SGCG: variants seen among roughly 807,000 people sequenced by gnomAD.
The protein encoded by SGCG is gamma-sarcoglycan.
A neutral mutation model predicts 29.3 loss-of-function variants in SGCG; 26 were observed. The ratio of observed to expected loss-of-function variants is 0.89; its 90% CI spans 0.65 to 1.23. The LOEUF (loss-of-function observed/expected upper bound fraction) is 1.23. Ranked by LOEUF, SGCG falls within the 50% of genes most tolerant of loss-of-function variation. The pLI is 0.00. For missense variants in SGCG, 353 were observed against 356.0 expected, an observed-to-expected ratio of 0.99 and a Z score of 0.07; for synonymous variants, 145 against 129.7, an observed-to-expected ratio of 1.12 and a Z score of -0.80.
At chr13:23,296,174 C>T (rs1452546950) in intron 6 of SGCG, among the ~76,000 whole-genome samples, 1 of 152,206 alleles carries the variant, frequency 6.6e-6, no homozygotes, top group Non-Finnish European at 1.5e-5. Context: ...ATATATATTA[C>T]ATTATCCATC....
intron 4 of SGCG, among the ~76,000 whole-genome samples, chr13:23,275,304 CA>C (rs1881029122): frequency 6.6e-6 from 1 of 151,698 alleles, no homozygotes; most frequent in Non-Finnish European, 1.5e-5. Context: ...CACTTGAGGC[CA>C]GGAGTTCAAG....
At chr13:23,226,659 G>A (rs564919587) in intron 2 of SGCG, among the ~76,000 whole-genome samples, 1 of 152,272 alleles carries the variant, frequency 6.6e-6, no homozygotes, top group East Asian at 1.9e-4. Flanking sequence ...AAGTGGAAAA[G>A]GACAAATATT....
chr13:23,182,655 A>G (rs1418869783), intron 1 of SGCG, among the ~76,000 whole-genome samples: 1 of 152,234 alleles, frequency 6.6e-6, no homozygotes, highest in Non-Finnish European at 1.5e-5. Flanking sequence ...TTTTATGGGA[A>G]CACTGGTACA....
chr13:23,225,086 C>T (rs771471077), intron 2 of SGCG, among the ~76,000 whole-genome samples: 2 of 152,140 alleles, frequency 1.3e-5, no homozygotes, highest in African/African-American at 4.8e-5. Flanking sequence ...GGTGTAAATA[C>T]TCATGGAAGT....
chr13:23,206,575 T>C (rs546846919), intron 2 of SGCG, among the ~76,000 whole-genome samples: 1 of 152,366 alleles, frequency 6.6e-6, no homozygotes, highest in African/African-American at 2.4e-5. Flanking sequence ...ATTTAGGTTT[T>C]TTTCCACATC....
intron 5 of SGCG, among the ~76,000 whole-genome samples, chr13:23,293,166 T>C (rs546192668): frequency 3.4e-4 from 52 of 152,360 alleles, no homozygotes; most frequent in Non-Finnish European, 5.9e-4. Flanking sequence ...GCTTAAGTGG[T>C]ATTTTAAGAA....
intron 6 of SGCG, among the ~76,000 whole-genome samples, chr13:23,301,908 GA>G (rs917922839): frequency 7.3e-6 from 1 of 136,156 alleles, no homozygotes; most frequent in African/African-American, 2.6e-5. Flanking sequence ...AAAAAGAAAA[GA>G]AAAAAAATCA....
chr13:23,162,533 G>A, the SGCG span, among the ~76,000 whole-genome samples: 2 of 152,356 alleles, frequency 1.3e-5, no homozygotes, highest in South Asian at 2.1e-4. Flanking sequence ...GGCTGAGGCA[G>A]AAGAATGGCG....
At chr13:23,254,798 C>G (rs961321661) in intron 4 of SGCG, among the ~76,000 whole-genome samples, 1 of 152,200 alleles carries the variant, frequency 6.6e-6, no homozygotes, top group Non-Finnish European at 1.5e-5. Context: ...CACAGCTGCT[C>G]TAGCTCCAGC....
chr13:23,281,841 T>G (rs558536687), intron 5 of SGCG, among the ~76,000 whole-genome samples: 1 of 152,330 alleles, frequency 6.6e-6, no homozygotes, highest in African/African-American at 2.4e-5. Context: ...GCTCACCTCC[T>G]GCTGTGAGGC....
At chr13:23,266,003 A>G (rs1287276777) in intron 4 of SGCG, among the ~76,000 whole-genome samples, 1 of 152,194 alleles carries the variant, frequency 6.6e-6, no homozygotes, top group Non-Finnish European at 1.5e-5. Flanking sequence ...ACAAAGATAT[A>G]AAATCAACCT....
At chr13:23,293,943 T>TC (rs1257960546) in intron 5 of SGCG, among the ~76,000 whole-genome samples, 2 of 152,304 alleles carry the variant, frequency 1.3e-5, no homozygotes, top group East Asian at 3.9e-4. Context: ...TTCTTCAGTG[T>TC]CCAATATTGA....
At chr13:23,256,706 A>G (rs1880193506) in intron 4 of SGCG, among the ~76,000 whole-genome samples, 1 of 152,084 alleles carries the variant, frequency 6.6e-6, no homozygotes, top group Non-Finnish European at 1.5e-5. Context: ...AAGGACATGA[A>G]CTCATCCTTT....
intron 2 of SGCG, among the ~76,000 whole-genome samples, chr13:23,223,720 C>T (rs997541418): frequency 2.0e-5 from 3 of 152,078 alleles, no homozygotes; most frequent in Non-Finnish European, 2.9e-5. Flanking sequence ...TCCCAGCCAG[C>T]ACTTTGGGAG....
At chr13:23,276,627 T>G (rs1881085157) in intron 4 of SGCG, among the ~76,000 whole-genome samples, 2 of 152,150 alleles carry the variant, frequency 1.3e-5, no homozygotes, top group Admixed American at 6.5e-5. Flanking sequence ...GAAACGGGGT[T>G]TCACCGTGTT....
intron 5 of SGCG, among the ~76,000 whole-genome samples, chr13:23,281,112 A>G (rs1038373392): frequency 6.6e-6 from 1 of 152,094 alleles, no homozygotes; most frequent in African/African-American, 2.4e-5. Context: ...AGGTGGATGG[A>G]TCGCTTGAGC....
intron 6 of SGCG, among the ~76,000 whole-genome samples, chr13:23,296,597 G>A (rs1178644624): frequency 8.6e-6 from 1 of 116,454 alleles, no homozygotes; most frequent in African/African-American, 2.9e-5. Context: ...TCTTCTCCCG[G>A]TCACCCCGGC....
the SGCG span, among the ~76,000 whole-genome samples, chr13:23,173,956 G>A: frequency 6.6e-6 from 1 of 152,156 alleles, no homozygotes; most frequent in Non-Finnish European, 1.5e-5. Context: ...AATGATAGAT[G>A]TCAGTGCAGC....
chr13:23,271,665 G>T (rs11616608), intron 4 of SGCG, among the ~76,000 whole-genome samples: 12,895 of 152,068 alleles, frequency 0.085, 719 homozygotes, highest in South Asian at 0.14. Context: ...TTGTATGTTT[G>T]TTTTTACATA....
Sources: allele counts gnomAD v4.1 joint callset (sites outside exome capture counted in the v4.1 genomes callset), GRCh38; gene constraint gnomAD v4.1.1; transcripts MANE v1.5; gene names NCBI Gene and HGNC (gene_info 2026-07-23, HGNC 2026-07-21).